SV2B: variants seen among roughly 807,000 people sequenced by gnomAD.
SV2B encodes the protein synaptic vesicle glycoprotein 2B.
A neutral mutation model predicts 73.9 loss-of-function variants in SV2B; 41 were observed. That is an observed-to-expected ratio of 0.56 (90% CI 0.43 to 0.72). SV2B has a LOEUF of 0.72. Among genes scored for constraint, SV2B ranks in the 30% least tolerant of loss-of-function variants. SV2B has a pLI of 0.00. For missense variants in SV2B, 764 were observed against 857.8 expected, an observed-to-expected ratio of 0.89 and a Z score of 1.37; for synonymous variants, 314 against 314.2, an observed-to-expected ratio of 1.00 and a Z score of 0.01.
intron 1 of SV2B, among the ~76,000 whole-genome samples, chr15:91,133,818 C>T (rs1353490864): frequency 1.3e-5 from 2 of 152,054 alleles, no homozygotes; most frequent in East Asian, 1.9e-4. Context: ...TCCAGGTATG[C>T]GATCCATGAG....
chr15:91,251,630 T>C (rs1212767092), intron 2 of SV2B, among the ~76,000 whole-genome samples, 189 bp from the exon 3 acceptor site: 3 of 152,242 alleles, frequency 2.0e-5, no homozygotes, highest in Non-Finnish European at 2.9e-5. Flanking sequence ...ATTTTTAAGA[T>C]AAAATTTGTA....
chr15:91,146,244 A>C (rs1458715243), intron 1 of SV2B, among the ~76,000 whole-genome samples: 1 of 152,116 alleles, frequency 6.6e-6, no homozygotes, highest in Non-Finnish European at 1.5e-5. Flanking sequence ...TCCATTCCGC[A>C]TTGCTTGTTT....
chr15:91,208,082 G>T (rs2045711209), intron 1 of SV2B, among the ~76,000 whole-genome samples: 1 of 152,078 alleles, frequency 6.6e-6, no homozygotes, highest in Non-Finnish European at 1.5e-5. Context: ...AATTTCCAAG[G>T]TGCCATATTT....
chr15:91,296,894 T>C lies in SV2B; in HGVS notation c.*4342T>C, dbSNP rs948319987. On this transcript the variant is annotated 3_prime_UTR_variant, in exon 13 of 13. Transcript: ENST00000394232. ...CCGATCGTTGGGCGCACGCTCCTTC[T>C]GCCCGATCGTTGGGCGCATGCTCCT... 7 of 145,540 alleles carry C rather than the reference T, an allele frequency of 4.8e-5. No homozygotes were observed. The highest frequency in any genetic ancestry group is 1.8e-4 in the African/African-American group (7 of 38,132). The allele number at this position is 145,540 out of a possible 1,614,324, so 9.0% of individuals were successfully genotyped here. A position where few individuals can be genotyped will look rare whatever the true frequency, so the allele number is the denominator to read the frequency against.
chr15:91,168,332 A>AGAGAGAGAGAGAGAGAGAGAG (rs1567308862), intron 1 of SV2B, among the ~76,000 whole-genome samples: 11 of 78,416 alleles, frequency 1.4e-4, no homozygotes, highest in African/African-American at 4.7e-4. Flanking sequence ...GAGAGAGAGA[A>AGAGAGAGAGAGAGAGAGAGAG]AAGAAATTTC....
At chr15:91,207,185 CTTTT>C (rs1228201080) in intron 1 of SV2B, among the ~76,000 whole-genome samples, 2 of 126,898 alleles carry the variant, frequency 1.6e-5, no homozygotes, top group Non-Finnish European at 1.7e-5. Flanking sequence ...TTATGCCTGG[CTTTT>C]TTTTTTTTTT....
intron 2 of SV2B, among the ~76,000 whole-genome samples, chr15:91,246,326 A>G (rs1012677396): frequency 5.9e-5 from 9 of 152,178 alleles, no homozygotes; most frequent in Non-Finnish European, 1.3e-4. Flanking sequence ...TGGCTTTCCA[A>G]GGTCCTAGAC....
At chr15:91,255,446 A>G (rs1465194473) in intron 4 of SV2B, among the ~76,000 whole-genome samples, 2 of 152,192 alleles carry the variant, frequency 1.3e-5, no homozygotes, top group Non-Finnish European at 2.9e-5. Flanking sequence ...TAAGAATGAC[A>G]CAAGGGACTC....
At chr15:91,168,301 CGAGAGAGAGA>C (rs113991291) in intron 1 of SV2B, among the ~76,000 whole-genome samples, 1 of 137,292 alleles carries the variant, frequency 7.3e-6, no homozygotes, top group African/African-American at 2.8e-5. Context: ...TGGTGAGATA[CGAGAGAGAGA>C]GAGAGAGAGA....
chr15:91,237,537 A>G (rs2046835398), intron 2 of SV2B, among the ~76,000 whole-genome samples: 1 of 152,276 alleles, frequency 6.6e-6, no homozygotes. Flanking sequence ...TAACTAAGCC[A>G]GAATGTCTAT....
chr15:91,112,398 G>A (rs566820917), intron 1 of SV2B, among the ~76,000 whole-genome samples: 18 of 152,294 alleles, frequency 1.2e-4, no homozygotes, highest in African/African-American at 3.1e-4. Flanking sequence ...GTTTGGTTTG[G>A]TCTTGGTCAC....
At chr15:91,269,183 A>C (rs2141693852) in intron 9 of SV2B, among the ~76,000 whole-genome samples, 2 of 150,542 alleles carry the variant, frequency 1.3e-5, no homozygotes, top group African/African-American at 2.4e-5. Flanking sequence ...AATCCATTTT[A>C]CTCCTCCTCC....
Position 91,189,286 on chromosome 15 carries a change from C to A in SV2B, c.-391-36587C>A, listed in dbSNP as rs115958878. On this transcript the variant is annotated intron_variant, in intron 1 of 12. Coordinates refer to ENST00000394232, the MANE Select transcript of SV2B (RefSeq NM_001323032.3). The stretch of plus-strand genomic sequence containing the variant: ...AGTCATTTTTTCCTCTCACCTCCGT[C>A]CCCATTTACCTCCTTTCGTAGGCAT... Among the ~76,000 whole-genome samples the A allele has an allele frequency of 7.9e-3, 1,202 of 152,234 alleles. 20 individuals carry two copies. Among genetic ancestry groups the A allele is most frequent in the African/African-American group, 0.028 (1,154 of 41,522 alleles).
At chr15:91,260,092 C>T (rs2047854985) in intron 5 of SV2B, among the ~76,000 whole-genome samples, 1 of 152,258 alleles carries the variant, frequency 6.6e-6, no homozygotes. Flanking sequence ...CTAACATTTA[C>T]ACCTTGAAAG....
rs577356240 is a variant in SV2B, at chr15:91,298,503, G to A, written c.*5951G>A. On this transcript the variant is annotated 3_prime_UTR_variant, in exon 13 of 13. Coordinates refer to ENST00000394232, the MANE Select transcript of SV2B (RefSeq NM_001323032.3). The surrounding 1 kb of genome is among the most constrained non-coding windows in gnomAD (Gnocchi z 5.4). ...GAATGATGAAATGAAACAGACTGAA[G>A]CTATCTCACAAATGTTAAATGGAGA... 6 of 152,312 alleles carry A rather than the reference G, an allele frequency of 3.9e-5. No individual in the cohort carries two copies. The highest frequency in any genetic ancestry group is 1.4e-4 in the African/African-American group (6 of 41,572). 9.4% of individuals were successfully genotyped at this position (152,312 alleles called of 1,614,324 possible).
intron 1 of SV2B, among the ~76,000 whole-genome samples, chr15:91,206,223 T>C (rs1028625030): frequency 2.7e-5 from 4 of 147,916 alleles, no homozygotes; most frequent in Non-Finnish European, 4.5e-5. Context: ...TTTTTTTTTT[T>C]CAGATACAGG....
chr15:91,157,884 A>G (rs752169175), intron 1 of SV2B, among the ~76,000 whole-genome samples: 7 of 152,158 alleles, frequency 4.6e-5, no homozygotes, highest in African/African-American at 1.2e-4. Flanking sequence ...TGTGCCTCCC[A>G]CAGACCAGGA....
chr15:91,145,549 T>C (rs1212311191), intron 1 of SV2B, among the ~76,000 whole-genome samples: 1 of 152,220 alleles, frequency 6.6e-6, no homozygotes, highest in Non-Finnish European at 1.5e-5. Context: ...TTTTTAGGTC[T>C]TTGAGGAATT....
intron 1 of SV2B, among the ~76,000 whole-genome samples, chr15:91,212,790 T>TA (rs1227041897): frequency 6.6e-6 from 1 of 150,874 alleles, no homozygotes; most frequent in Non-Finnish European, 1.5e-5. Flanking sequence ...CCTGTCTCTA[T>TA]AAAAAAATTT....
Sources: allele counts gnomAD v4.1 joint callset (sites outside exome capture counted in the v4.1 genomes callset), GRCh38; gene constraint gnomAD v4.1.1; non-coding constraint Gnocchi (gnomAD v3.1); transcripts MANE v1.5; gene names NCBI Gene and HGNC (gene_info 2026-07-23, HGNC 2026-07-21).